The following IQSEC1 variants were observed in gnomAD, a reference collection of about 807,000 sequenced individuals.
IQSEC1 encodes the protein IQ motif and SEC7 domain-containing protein 1.
IQSEC1 carries 31 observed loss-of-function variants against 91.0 expected under a neutral mutation model. That is an observed-to-expected ratio of 0.34 (90% CI 0.26 to 0.46). IQSEC1 has a LOEUF of 0.46. Ranked by LOEUF, IQSEC1 falls within the 20% of genes least tolerant of loss-of-function variation. The pLI is 1.00. For synonymous variants in IQSEC1, 699 were observed against 662.6 expected, an observed-to-expected ratio of 1.05 and a Z score of -0.84; for missense variants, 1,388 against 1,575.6, an observed-to-expected ratio of 0.88 and a Z score of 2.02.
At chr3:12,907,604 G>A (rs1000083253) in intron 12 of IQSEC1, among the ~76,000 whole-genome samples, 5 of 152,252 alleles carry the variant, frequency 3.3e-5, no homozygotes, top group African/African-American at 1.2e-4. Flanking sequence ...GTCGGCCAGT[G>A]CCTCTTTTCT....
chr3:13,165,826 T>A (rs1563614), intron 1 of IQSEC1, among the ~76,000 whole-genome samples: 59,220 of 151,830 alleles, frequency 0.39, 11,937 homozygotes, highest in Non-Finnish European at 0.44. Context: ...GTTCCTGCAT[T>A]TCTGACCTCA....
At chr3:12,968,285 T>C (rs1024759484) in intron 1 of IQSEC1, among the ~76,000 whole-genome samples, 3 of 152,150 alleles carry the variant, frequency 2.0e-5, no homozygotes, top group African/African-American at 7.2e-5. Context: ...CTGAGGTTGG[T>C]ACCACCCTTT....
intron 1 of IQSEC1, among the ~76,000 whole-genome samples, chr3:13,014,518 C>A (rs1703028240): frequency 6.6e-6 from 1 of 152,164 alleles, no homozygotes; most frequent in South Asian, 2.1e-4. Flanking sequence ...GCTTCCTTAT[C>A]ACTGGGCCTC....
chr3:13,058,823 C>T (rs1704966840), intron 1 of IQSEC1, among the ~76,000 whole-genome samples: 1 of 152,218 alleles, frequency 6.6e-6, no homozygotes, highest in Non-Finnish European at 1.5e-5. Flanking sequence ...GCATCTGTCT[C>T]CACTTGGGAC....
At chr3:13,046,955 A>ATT (rs368295064) in intron 1 of IQSEC1, among the ~76,000 whole-genome samples, 68 of 152,274 alleles carry the variant, frequency 4.5e-4, no homozygotes, top group African/African-American at 1.6e-3. Flanking sequence ...AGTCTCCAGT[A>ATT]TTTTTTTGTG....
chr3:13,030,854 G>C (rs1210817759), intron 1 of IQSEC1, among the ~76,000 whole-genome samples: 1 of 152,228 alleles, frequency 6.6e-6, no homozygotes, highest in Non-Finnish European at 1.5e-5. Context: ...CGCAGGCGTG[G>C]GATTCGCCTT....
At chr3:13,173,065 C>A (rs765992505) in intron 1 of IQSEC1, among the ~76,000 whole-genome samples, 1 of 152,194 alleles carries the variant, frequency 6.6e-6, no homozygotes, top group Non-Finnish European at 1.5e-5. Context: ...AACCAGCTGA[C>A]GTTTTGAGTT....
intron 1 of IQSEC1, among the ~76,000 whole-genome samples, chr3:13,266,658 C>G (rs1213637960): frequency 6.6e-6 from 1 of 152,036 alleles, no homozygotes; most frequent in East Asian, 1.9e-4. Flanking sequence ...AAGCCGTCAC[C>G]TTAAGAAGAA....
At chr3:13,067,516 G>A (rs1316645787) in intron 1 of IQSEC1, among the ~76,000 whole-genome samples, 4 of 152,252 alleles carry the variant, frequency 2.6e-5, no homozygotes, top group African/African-American at 4.8e-5. Context: ...ATTCCAGGTA[G>A]TGCATGCAGT....
At chr3:13,201,453 C>T (rs1440936852) in intron 1 of IQSEC1, among the ~76,000 whole-genome samples, 1 of 152,212 alleles carries the variant, frequency 6.6e-6, no homozygotes, top group African/African-American at 2.4e-5. Flanking sequence ...ACCTCAGCCA[C>T]CTGACTAGCT....
At chr3:13,198,293 C>G (rs1384003337) in intron 1 of IQSEC1, among the ~76,000 whole-genome samples, 1 of 152,016 alleles carries the variant, frequency 6.6e-6, no homozygotes, top group Admixed American at 6.5e-5. Flanking sequence ...AAAGCATAAG[C>G]CTTGCAACCA....
rs80278844 is a variant in IQSEC1 at position 13,150,237 on chromosome 3, T to C, written c.302+13867A>G. ...CTTTTCTCCAAAACTGCAGGCTGCATAGGCTGGAAGGCATCTAAGAAATTA... is the reference window on the plus strand; with the variant it reads ...CTTTTCTCCAAAACTGCAGGCTGCACAGGCTGGAAGGCATCTAAGAAATTA... On this transcript the variant is annotated intron_variant, in intron 2 of 15. Transcript: ENST00000648114. 3.4e-3 allele frequency among the ~76,000 whole-genome samples: 513 copies of C among 152,346 alleles called. 2 individuals are homozygous for C. Among genetic ancestry groups the C allele is most frequent in the African/African-American group, 0.012 (496 of 41,582 alleles).
chr3:12,904,545 G>A (rs1353544312), intron 12 of IQSEC1, among the ~76,000 whole-genome samples: 1 of 152,200 alleles, frequency 6.6e-6, no homozygotes, highest in East Asian at 1.9e-4. Context: ...GTGGTCCAGG[G>A]ACATGGAGCA....
At chr3:13,243,088 T>A (rs1265351473) in intron 1 of IQSEC1, among the ~76,000 whole-genome samples, 1 of 152,168 alleles carries the variant, frequency 6.6e-6, no homozygotes, top group Non-Finnish European at 1.5e-5. Context: ...GCCAGTCTCA[T>A]GGCTGTGAGA....
chr3:13,260,056 G>A (rs1197008926), intron 1 of IQSEC1, among the ~76,000 whole-genome samples: 2 of 152,240 alleles, frequency 1.3e-5, no homozygotes, highest in Admixed American at 6.5e-5. Flanking sequence ...ATCTCAGGAA[G>A]CAGCCTTGGC....
At chr3:13,158,160 C>T (rs904140984) in intron 2 of IQSEC1, among the ~76,000 whole-genome samples, 4 of 152,238 alleles carry the variant, frequency 2.6e-5, no homozygotes, top group Non-Finnish European at 5.9e-5. Context: ...GCCGCCGGCT[C>T]AGCCCTCAGT....
intron 1 of IQSEC1, among the ~76,000 whole-genome samples, chr3:13,021,269 G>C (rs539950541): frequency 5.1e-4 from 77 of 152,244 alleles, no homozygotes; most frequent in Middle Eastern, 3.4e-3. Flanking sequence ...AGGCCGCAGC[G>C]ATCACAGATG....
intron 13 of IQSEC1, among the ~76,000 whole-genome samples, chr3:12,901,912 C>T (rs1176331874): frequency 1.3e-5 from 2 of 152,032 alleles, no homozygotes; most frequent in Admixed American, 6.6e-5. Context: ...GCTGATGTGC[C>T]TGGAGGAGGA....
rs1198222593 is a variant in IQSEC1, at chr3:13,185,486, C to T, written c.273-21353G>A. 2.0e-5 allele frequency among the ~76,000 whole-genome samples: 3 copies of T among 152,212 alleles called. No homozygotes were observed. In the East Asian group the frequency reaches 5.8e-4, roughly 29 times the overall value. On this transcript the variant is annotated intron_variant, in intron 1 of 15. Coordinates refer to the IQSEC1 transcript ENST00000648114. ...ACAGGGTCCTGTGCCTGGGACTGCG[C>T]CTGCTATATGGGAGCACCTCAGCAG...
Sources: gnomAD v4.1 joint callset for allele counts (sites outside exome capture counted in the v4.1 genomes callset) on GRCh38, gnomAD v4.1.1 for gene constraint, MANE v1.5 for transcripts, NCBI Gene and HGNC (gene_info 2026-07-23, HGNC 2026-07-21) for gene names.